The following VRK2 variants were observed in gnomAD, a reference collection of about 807,000 sequenced individuals.
VRK2 encodes serine/threonine-protein kinase VRK2.
A neutral mutation model predicts 57.6 loss-of-function variants in VRK2; 60 were observed. That is an observed-to-expected ratio of 1.04 (90% CI 0.85 to 1.29). The LOEUF (loss-of-function observed/expected upper bound fraction) is 1.29. Among genes scored for constraint, VRK2 ranks in the 50% most tolerant of loss-of-function variants. VRK2 has a pLI of 0.00. For missense variants in VRK2, 705 were observed against 588.1 expected (o/e 1.20, Z -2.06); for synonymous variants, 231 against 199.2 (o/e 1.16, Z -1.35).
At position 58,159,574 on chromosome 2, in the gene VRK2, C is replaced by T; in HGVS notation, c.1408C>T (p.Leu470Phe). The T allele has an allele frequency of 6.2e-7, 1 of 1,613,854 alleles. No individual in the cohort carries two copies. Among genetic ancestry groups the T allele is most frequent in the Non-Finnish European group, 8.5e-7 (1 of 1,179,816 alleles). ...CACAGACTTAGAAAGTTCAACTGGACTTTGGCCTACAATTTCCCAGTTTAC... is the reference window on the plus strand; with the variant it reads ...CACAGACTTAGAAAGTTCAACTGGATTTTGGCCTACAATTTCCCAGTTTAC... The part of the protein sequence containing the change: ...GITDLESSTG[L>F]WPTISQFTLS... Residue 470 changes from leucine to phenylalanine, a missense_variant, in exon 13 of 13, where the codon CTT becomes TTT. By Grantham distance (22) the Leu-to-Phe change is conservative. Coordinates refer to ENST00000340157, the MANE Select transcript of VRK2 (RefSeq NM_006296.7).
chr2:58,092,725 A>T (rs1028114263), intron 7 of VRK2, among the ~76,000 whole-genome samples: 1 of 152,032 alleles, frequency 6.6e-6, no homozygotes, highest in South Asian at 2.1e-4. Flanking sequence ...CAGGTTTGTT[A>T]TATATGTATA....
Position 57,953,359 on chromosome 2 carries a change from T to C in VRK2, c.-439+45520T>C, listed in dbSNP as rs1037913602. Among the ~76,000 whole-genome samples the C allele has an allele frequency of 2.6e-5, 4 of 152,224 alleles. No homozygotes were observed. In the East Asian group the frequency reaches 7.7e-4, roughly 29 times the overall value. ...CTTTATGATGGATTTGTCACTACTT[T>C]CCTCATTGTTCCATATCTATAATAC... On this transcript the variant is annotated intron_variant, in intron 1 of 15. Transcript: ENST00000417641.
intron 1 of VRK2, among the ~76,000 whole-genome samples, chr2:57,912,480 A>G (rs1184954749): frequency 6.6e-6 from 1 of 152,196 alleles, no homozygotes; most frequent in Admixed American, 6.5e-5. Context: ...GTAATTAACC[A>G]AAACAGGGAG....
At chr2:58,008,448 G>A (rs77895391) in intron 1 of VRK2, among the ~76,000 whole-genome samples, 1,532 of 152,012 alleles carry the variant, frequency 0.01, 28 homozygotes, top group African/African-American at 0.035. Flanking sequence ...TTATTTAACA[G>A]TAATTTAACA....
chr2:57,969,891 G>T (rs1572918956), intron 1 of VRK2, among the ~76,000 whole-genome samples: 1 of 151,908 alleles, frequency 6.6e-6, no homozygotes, highest in African/African-American at 2.4e-5. Context: ...TCCATATGCC[G>T]AGGTCTTTCA....
intron 2 of VRK2, among the ~76,000 whole-genome samples, chr2:58,063,519 T>C (rs1301536603): frequency 6.6e-6 from 1 of 151,828 alleles, no homozygotes. Flanking sequence ...AATAATAGAG[T>C]TTACTGAATA....
At chr2:58,120,056 C>T (rs767281501) in intron 7 of VRK2, among the ~76,000 whole-genome samples, 2 of 151,804 alleles carry the variant, frequency 1.3e-5, no homozygotes, top group Non-Finnish European at 2.9e-5. Flanking sequence ...GCATGCTCCT[C>T]AAGGTTGCAC....
intron 1 of VRK2, among the ~76,000 whole-genome samples, chr2:57,997,551 C>T (rs1450194566): frequency 2.6e-5 from 4 of 152,176 alleles, no homozygotes; most frequent in Non-Finnish European, 4.4e-5. Flanking sequence ...TGTGAATGAG[C>T]TAAATTTTTT....
chr2:58,038,327 A>G (rs980764571), intron 3 of VRK2, among the ~76,000 whole-genome samples: 3 of 152,120 alleles, frequency 2.0e-5, no homozygotes, highest in African/African-American at 7.2e-5. Flanking sequence ...AGGCCTCCCC[A>G]GCCATGCTAA....
At chr2:57,992,780 G>T (rs1027077980) in intron 1 of VRK2, among the ~76,000 whole-genome samples, 4 of 151,420 alleles carry the variant, frequency 2.6e-5, no homozygotes, top group Non-Finnish European at 2.9e-5. Context: ...TCATGATCCA[G>T]CCGCCTCGGC....
At chr2:58,002,332 G>T (rs1484617047) in intron 1 of VRK2, among the ~76,000 whole-genome samples, 1 of 152,122 alleles carries the variant, frequency 6.6e-6, no homozygotes, top group African/African-American at 2.4e-5. Context: ...TAAAAAATTA[G>T]CCAGGTATGG....
intron 7 of VRK2, among the ~76,000 whole-genome samples, chr2:58,094,372 G>T (rs1672822038): frequency 6.6e-6 from 1 of 152,100 alleles, no homozygotes; most frequent in South Asian, 2.1e-4. Context: ...CCTTGAAGAG[G>T]TCCTTCACAT....
intron 12 of VRK2, among the ~76,000 whole-genome samples, chr2:58,147,796 CAG>C (rs539235503): frequency 0.017 from 2,118 of 125,298 alleles, 49 homozygotes; most frequent in African/African-American, 0.061. Context: ...TTCTTTCACT[CAG>C]TGTTTTTTTT....
chr2:58,156,506 T>C (rs918738561), intron 12 of VRK2, among the ~76,000 whole-genome samples: 1 of 152,188 alleles, frequency 6.6e-6, no homozygotes, highest in Admixed American at 6.5e-5. Flanking sequence ...ACTTTACCTT[T>C]TTCATAGGCA....
chr2:58,069,572 GT>G (rs1183097388), intron 2 of VRK2, among the ~76,000 whole-genome samples: 1 of 152,062 alleles, frequency 6.6e-6, no homozygotes, highest in African/African-American at 2.4e-5. Flanking sequence ...AGTATAAAAA[GT>G]TATTAGATAC....
chr2:57,967,255 A>G (rs1292502359), intron 1 of VRK2, among the ~76,000 whole-genome samples: 1 of 152,110 alleles, frequency 6.6e-6, no homozygotes, highest in East Asian at 1.9e-4. Context: ...GGATAGCATT[A>G]GGAGAAATAC....
intron 12 of VRK2, among the ~76,000 whole-genome samples, chr2:58,157,313 T>C (rs1056288469): frequency 1.3e-5 from 2 of 152,202 alleles, no homozygotes; most frequent in African/African-American, 4.8e-5. Context: ...ACTATTCTAA[T>C]GTAGGGTTTC....
intron 12 of VRK2, among the ~76,000 whole-genome samples, chr2:58,156,405 A>C (rs927735806): frequency 1.3e-5 from 2 of 152,092 alleles, no homozygotes; most frequent in African/African-American, 4.8e-5. Flanking sequence ...ATTTGTCTTC[A>C]AATTGGAAAG....
At chr2:58,022,987 A>G (rs1299158309) in intron 1 of VRK2, among the ~76,000 whole-genome samples, 1 of 152,246 alleles carries the variant, frequency 6.6e-6, no homozygotes, top group Non-Finnish European at 1.5e-5. Flanking sequence ...TACATAACAT[A>G]AAAGTTAGCA....
Sources: gnomAD v4.1 joint callset for allele counts (sites outside exome capture counted in the v4.1 genomes callset) on GRCh38, gnomAD v4.1.1 for gene constraint, MANE v1.5 for transcripts, NCBI Gene and HGNC (gene_info 2026-07-23, HGNC 2026-07-21) for gene names.